ATP13A4: variants seen among roughly 807,000 people sequenced by gnomAD.
ATP13A4 encodes the protein probable cation-transporting ATPase 13A4.
ATP13A4 carries 114 observed loss-of-function variants against 142.5 expected under a neutral mutation model. The ratio of observed to expected loss-of-function variants is 0.80; its 90% CI spans 0.69 to 0.93. ATP13A4 has a LOEUF of 0.93. Among genes scored for constraint, ATP13A4 ranks in the 40% least tolerant of loss-of-function variants. The pLI, the probability that ATP13A4 is intolerant of heterozygous loss-of-function variation, is 0.00. For synonymous variants in ATP13A4, 488 were observed against 514.8 expected (o/e 0.95, Z 0.70); for missense variants, 1,392 against 1,454.0 (o/e 0.96, Z 0.69).
chr3:193,545,394 C>A (rs1232871545), intron 1 of ATP13A4, among the ~76,000 whole-genome samples: 1 of 152,098 alleles, frequency 6.6e-6, no homozygotes, highest in East Asian at 1.9e-4. Flanking sequence ...ATTTGGGCCT[C>A]CTCTCTGTTC....
At chr3:193,462,384 C>A (rs1041758509) in intron 13 of ATP13A4, among the ~76,000 whole-genome samples, 4 of 152,120 alleles carry the variant, frequency 2.6e-5, no homozygotes, top group African/African-American at 9.7e-5. Flanking sequence ...TTCCTCCTAG[C>A]ACATCAAGAG....
chr3:193,454,086 A>G lies in ATP13A4; in HGVS notation c.2027+15T>C. On this transcript the variant is annotated intron_variant, in intron 17 of 29. Coordinates refer to ENST00000342695, the MANE Select transcript of ATP13A4 (RefSeq NM_032279.4). The stretch of plus-strand genomic sequence containing the variant: ...CATCAAACCTTTCTGCTTTATCAAA[A>G]TCATCCCCATTTACCTCGTCAAGGT... 2 of 1,586,554 alleles carry G rather than the reference A, an allele frequency of 1.3e-6. No homozygotes were observed. Among genetic ancestry groups the G allele is most frequent in the Non-Finnish European group, 1.7e-6 (2 of 1,154,880 alleles).
chr3:193,443,488 T>C (rs1455336894), intron 18 of ATP13A4, among the ~76,000 whole-genome samples: 1 of 151,264 alleles, frequency 6.6e-6, no homozygotes, highest in East Asian at 1.9e-4. Flanking sequence ...GAACTTATGG[T>C]TGATTGCTAG....
Position 193,457,073 on chromosome 3 carries a change from C to A in ATP13A4, c.1842G>T (p.Glu614Asp). Residue 614 changes from glutamate to aspartate, a missense_variant, in exon 16 of 30, where the codon GAG (glutamate) becomes GAT (aspartate). Physicochemically the swap from Glu to Asp is conservative, Grantham distance 45. Transcript: ENST00000342695. The part of the protein sequence containing the change: ...ALQRMTVIVQ[E>D]MGGDRLAFMK... ...TGAATGCCAGTCGGTCACCTCCCAT[C>A]TCTTGGACAATGACTGTCATTCTTT... 2 of 1,614,088 alleles carry A rather than the reference C, an allele frequency of 1.2e-6. No homozygotes were observed. The highest frequency in any genetic ancestry group is 1.7e-6 in the Non-Finnish European group (2 of 1,180,042).
intron 2 of ATP13A4, among the ~76,000 whole-genome samples, chr3:193,503,303 T>C (rs896012713): frequency 6.6e-6 from 1 of 152,176 alleles, no homozygotes; most frequent in African/African-American, 2.4e-5. Context: ...AGGCACCTTA[T>C]TGCATGACCC....
chr3:193,461,092 A>AAGGC (rs996256675), intron 13 of ATP13A4, among the ~76,000 whole-genome samples: 5 of 152,298 alleles, frequency 3.3e-5, no homozygotes, highest in African/African-American at 1.2e-4. Flanking sequence ...GGAAGGCAGC[A>AAGGC]AGGCAGGAAG....
At chr3:193,492,705 A>G (rs558744827) in intron 5 of ATP13A4, among the ~76,000 whole-genome samples, 1 of 152,262 alleles carries the variant, frequency 6.6e-6, no homozygotes, top group South Asian at 2.1e-4. Context: ...TGTTGTGTGG[A>G]AATGGTGATA....
intron 2 of ATP13A4, among the ~76,000 whole-genome samples, chr3:193,575,965 C>T (rs978367513): frequency 5.3e-5 from 8 of 152,188 alleles, no homozygotes; most frequent in African/African-American, 1.7e-4. Context: ...TTGACTGGGA[C>T]GGGGACTGGG....
In ATP13A4 at chr3:193,506,916, A is replaced by G. The variant is rs1413639331; in HGVS notation, c.235-4277T>C. On this transcript the variant is annotated intron_variant, in intron 2 of 29. Transcript: ENST00000342695. ...AACCTCTTTCCTTTATAAATTACCCAGTTTTGGGTATGTCTTTATTAGCAG... is the reference window on the plus strand; with the variant it reads ...AACCTCTTTCCTTTATAAATTACCCGGTTTTGGGTATGTCTTTATTAGCAG... 2.0e-5 allele frequency among the ~76,000 whole-genome samples: 3 copies of G among 152,164 alleles called. No homozygotes were observed. In the East Asian group the frequency reaches 5.8e-4, roughly 29 times the overall value.
intron 17 of ATP13A4, among the ~76,000 whole-genome samples, chr3:193,453,084 A>G (rs917010138): frequency 2.0e-5 from 3 of 152,176 alleles, no homozygotes; most frequent in African/African-American, 4.8e-5. Context: ...TGCAGCCTCA[A>G]TTATTCTATA....
chr3:193,522,231 G>A (rs897487179), intron 1 of ATP13A4, among the ~76,000 whole-genome samples: 7 of 152,186 alleles, frequency 4.6e-5, no homozygotes, highest in East Asian at 1.9e-4. Context: ...CAGATTGGCC[G>A]ACAGAAAAGC....
intron 1 of ATP13A4, among the ~76,000 whole-genome samples, chr3:193,537,441 T>A (rs1722646419): frequency 6.6e-6 from 1 of 152,274 alleles, no homozygotes; most frequent in South Asian, 2.1e-4. Context: ...TCATAATGGA[T>A]CACACATTTA....
chr3:193,408,362 C>T (rs1024424684), intron 28 of ATP13A4, among the ~76,000 whole-genome samples: 2 of 152,106 alleles, frequency 1.3e-5, no homozygotes, highest in African/African-American at 4.8e-5. Context: ...CAATATGGGA[C>T]TACATATAAA....
At chr3:193,538,522 C>T (rs1722707976) in intron 1 of ATP13A4, among the ~76,000 whole-genome samples, 1 of 150,170 alleles carries the variant, frequency 6.7e-6, no homozygotes, top group Non-Finnish European at 1.5e-5. Flanking sequence ...AAACCCTAGG[C>T]TTTAAACAGG....
intron 1 of ATP13A4, among the ~76,000 whole-genome samples, chr3:193,547,464 C>T (rs1723289709): frequency 6.6e-6 from 1 of 152,164 alleles, no homozygotes. Context: ...TATTCCCCCA[C>T]CTGATTCTAT....
At chr3:193,512,253 C>T (rs866354516) in intron 2 of ATP13A4, among the ~76,000 whole-genome samples, 4 of 152,216 alleles carry the variant, frequency 2.6e-5, no homozygotes, top group Non-Finnish European at 4.4e-5. Context: ...CTTAAGTTCG[C>T]GTGGAGGGGT....
chr3:193,526,057 C>T (rs1721984835), intron 1 of ATP13A4, among the ~76,000 whole-genome samples: 1 of 152,102 alleles, frequency 6.6e-6, no homozygotes, highest in Non-Finnish European at 1.5e-5. Flanking sequence ...TCAAGATATG[C>T]ATACTGCTTG....
intron 1 of ATP13A4, among the ~76,000 whole-genome samples, chr3:193,535,727 C>G (rs1215839822): frequency 6.6e-6 from 1 of 151,700 alleles, no homozygotes; most frequent in Non-Finnish European, 1.5e-5. Flanking sequence ...TCAAAACAAA[C>G]AGCTGGTTCT....
intron 17 of ATP13A4, among the ~76,000 whole-genome samples, chr3:193,449,882 G>A (rs1046755047): frequency 6.6e-6 from 1 of 152,130 alleles, no homozygotes; most frequent in Non-Finnish European, 1.5e-5. Context: ...CACTTTGGGA[G>A]GCCGAGGTGG....
Sources: gnomAD v4.1 joint callset for allele counts (sites outside exome capture counted in the v4.1 genomes callset) on GRCh38, gnomAD v4.1.1 for gene constraint, MANE v1.5 for transcripts, NCBI Gene and HGNC (gene_info 2026-07-23, HGNC 2026-07-21) for gene names.